FSTL4: variants seen among roughly 807,000 people sequenced by gnomAD.
FSTL4 encodes the protein follistatin-related protein 4.
A neutral mutation model predicts 78.2 loss-of-function variants in FSTL4; 28 were observed. The ratio of observed to expected loss-of-function variants is 0.36; its 90% confidence interval spans 0.27 to 0.49. The LOEUF is 0.49. Ranked by LOEUF, FSTL4 falls within the 20% of genes least tolerant of loss-of-function variation. FSTL4 has a pLI of 0.98. For missense variants in FSTL4, 922 were observed against 1,084.9 expected, an observed-to-expected ratio of 0.85 and a Z score of 2.11; for synonymous variants, 422 against 440.5, an observed-to-expected ratio of 0.96 and a Z score of 0.53.
the FSTL4 span, among the ~76,000 whole-genome samples, chr5:133,829,991 G>A: frequency 3.3e-5 from 5 of 152,252 alleles, no homozygotes; most frequent in East Asian, 3.9e-4. Flanking sequence ...GAATCCCCCC[G>A]GTGACAGCCA....
intron 4 of FSTL4, among the ~76,000 whole-genome samples, chr5:133,339,972 G>A (rs1476547599): frequency 6.6e-6 from 1 of 152,208 alleles, no homozygotes; most frequent in Non-Finnish European, 1.5e-5. Flanking sequence ...ACTGTGGTTT[G>A]AGAATCCTCC....
chr5:133,692,764 A>G, the FSTL4 span, among the ~76,000 whole-genome samples: 1,608 of 152,208 alleles, frequency 0.011, 28 homozygotes, highest in African/African-American at 0.035. Flanking sequence ...TGCTCCCTTG[A>G]CTTGGGGTTC....
the FSTL4 span, among the ~76,000 whole-genome samples, chr5:133,715,223 T>C: frequency 6.6e-6 from 1 of 152,368 alleles, no homozygotes; most frequent in Admixed American, 6.5e-5. Context: ...TATGTTTTAA[T>C]ATAAACATCA....
At chr5:133,251,574 T>G (rs184367878) in intron 6 of FSTL4, among the ~76,000 whole-genome samples, 22 of 152,066 alleles carry the variant, frequency 1.4e-4, no homozygotes, top group Non-Finnish European at 2.8e-4. Context: ...CCATCTCCTG[T>G]CTTACCCCTC....
At chr5:133,610,213 G>T (rs1368539133) in intron 1 of FSTL4, among the ~76,000 whole-genome samples, 2 of 152,126 alleles carry the variant, frequency 1.3e-5, no homozygotes, top group African/African-American at 4.8e-5. Flanking sequence ...CACCTCCAGG[G>T]CACAGCCGAA....
the FSTL4 span, among the ~76,000 whole-genome samples, chr5:133,841,633 G>C: frequency 6.6e-6 from 1 of 152,180 alleles, no homozygotes; most frequent in South Asian, 2.1e-4. Context: ...AGTAGAGGAC[G>C]GTAAGGCTCA....
chr5:133,278,427 T>A (rs1752936601), intron 6 of FSTL4, among the ~76,000 whole-genome samples: 1 of 152,144 alleles, frequency 6.6e-6, no homozygotes, highest in Admixed American at 6.5e-5. Context: ...TTTTCAGGAG[T>A]CCCAGCTCCC....
chr5:133,674,027 T>C, the FSTL4 span, among the ~76,000 whole-genome samples: 1 of 152,234 alleles, frequency 6.6e-6, no homozygotes, highest in Admixed American at 6.5e-5. Flanking sequence ...ATCACTGAAA[T>C]GATAATTACA....
chr5:133,811,931 C>G, the FSTL4 span, among the ~76,000 whole-genome samples: 8 of 152,316 alleles, frequency 5.3e-5, no homozygotes, highest in South Asian at 1.7e-3. Flanking sequence ...TAAGCTTTAG[C>G]TCAACATGTC....
chr5:133,827,906 G>A, the FSTL4 span, among the ~76,000 whole-genome samples: 4 of 152,152 alleles, frequency 2.6e-5, no homozygotes, highest in Admixed American at 6.5e-5. Flanking sequence ...GCCACACCCT[G>A]TGCGTCAGTA....
chr5:133,523,329 T>C (rs1175096689), intron 3 of FSTL4, among the ~76,000 whole-genome samples: 1 of 152,176 alleles, frequency 6.6e-6, no homozygotes, highest in Non-Finnish European at 1.5e-5. Flanking sequence ...CAATACTTTG[T>C]CATGGCAGCC....
chr5:133,762,718 A>G, the FSTL4 span, among the ~76,000 whole-genome samples: 5 of 152,314 alleles, frequency 3.3e-5, no homozygotes, highest in Admixed American at 1.3e-4. Flanking sequence ...CCAGGACTCC[A>G]TGCTTCACTT....
rs542488162 is a variant in FSTL4, at chr5:133,338,747, C to T, written c.410-22095G>A. Among the ~76,000 whole-genome samples the T allele has an allele frequency of 3.3e-5, 5 of 152,040 alleles. No homozygotes were observed. The highest frequency in any genetic ancestry group is 1.3e-4 in the Admixed American group (2 of 15,260). On this transcript the variant is annotated intron_variant, in intron 4 of 15. Coordinates refer to ENST00000265342, the MANE Select transcript of FSTL4 (RefSeq NM_015082.2). The surrounding 1 kb of genome is among the most constrained non-coding windows in gnomAD (Gnocchi z 4.0). ...CCTTCTTTCACATCCCAGCCTCAGCCGACAACCCCTCCACCCAAGCCCCCT... is the reference window on the plus strand; with the variant it reads ...CCTTCTTTCACATCCCAGCCTCAGCTGACAACCCCTCCACCCAAGCCCCCT...
At chr5:133,465,263 C>A (rs1445151132) in intron 3 of FSTL4, among the ~76,000 whole-genome samples, 1 of 152,192 alleles carries the variant, frequency 6.6e-6, no homozygotes, top group Non-Finnish European at 1.5e-5. Context: ...CTATTTCTTA[C>A]CCACCCTTCA....
the FSTL4 span, among the ~76,000 whole-genome samples, chr5:133,776,046 T>C: frequency 1.3e-5 from 2 of 152,176 alleles, no homozygotes; most frequent in South Asian, 4.1e-4. Flanking sequence ...TGTTCCACTA[T>C]GTTGGGGCCA....
the FSTL4 span, among the ~76,000 whole-genome samples, chr5:133,829,187 C>G: frequency 6.6e-6 from 1 of 152,148 alleles, no homozygotes; most frequent in African/African-American, 2.4e-5. Context: ...GTCAGGAGTT[C>G]AAGTCCAGCC....
At chr5:133,798,961 G>A in the FSTL4 span, among the ~76,000 whole-genome samples, 1 of 121,654 alleles carries the variant, frequency 8.2e-6, no homozygotes, top group Non-Finnish European at 1.7e-5. Context: ...AGGGAGGGAG[G>A]GAGGGAGGAA....
chr5:133,317,420 G>A (rs1228583382), intron 4 of FSTL4, among the ~76,000 whole-genome samples: 1 of 152,226 alleles, frequency 6.6e-6, no homozygotes, highest in Admixed American at 6.5e-5. Flanking sequence ...CAGCGGAGAG[G>A]GCAGCCCCTC....
At chr5:133,661,206 T>C in the FSTL4 span, among the ~76,000 whole-genome samples, 10 of 152,156 alleles carry the variant, frequency 6.6e-5, no homozygotes, top group Non-Finnish European at 1.0e-4. Context: ...GCCAGGCTGG[T>C]CTCGAACTCC....
Sources: allele counts gnomAD v4.1 joint callset (sites outside exome capture counted in the v4.1 genomes callset), GRCh38; gene constraint gnomAD v4.1.1; non-coding constraint Gnocchi (gnomAD v3.1); transcripts MANE v1.5; gene names NCBI Gene and HGNC (gene_info 2026-07-23, HGNC 2026-07-21).